The following TYW1 variants were observed in gnomAD, a reference collection of about 807,000 sequenced individuals.
TYW1 encodes tRNA-yW synthesizing protein 1 homolog.
Under a neutral mutation model 96.2 loss-of-function variants are expected in TYW1, and 46 were observed. The ratio of observed to expected loss-of-function variants is 0.48; its 90% confidence interval spans 0.38 to 0.61. The LOEUF is 0.61. TYW1 is among the 20% of genes least tolerant of loss of function. The pLI is 0.00. For missense variants in TYW1, 684 were observed against 909.6 expected, an observed-to-expected ratio of 0.75 and a Z score of 3.19; for synonymous variants, 274 against 323.0, an observed-to-expected ratio of 0.85 and a Z score of 1.63.
intron 13 of TYW1, among the ~76,000 whole-genome samples, chr7:67,161,147 T>C (rs1169339512): frequency 1.3e-5 from 2 of 152,270 alleles, no homozygotes; most frequent in African/African-American, 4.8e-5. Flanking sequence ...AGCCTTGTTT[T>C]CTAGCATAAA....
intron 10 of TYW1, among the ~76,000 whole-genome samples, chr7:67,072,352 T>C (rs1796055406): frequency 6.6e-6 from 1 of 150,926 alleles, no homozygotes; most frequent in African/African-American, 2.4e-5. Context: ...GTTCACACCA[T>C]TCTCCTGCCT....
At chr7:67,092,339 T>G (rs71563158) in intron 11 of TYW1, among the ~76,000 whole-genome samples, 36,325 of 151,586 alleles carry the variant, frequency 0.24, 4,603 homozygotes, top group African/African-American at 0.31. Flanking sequence ...TCCTTGCCCC[T>G]CTGTTCTCAA....
At chr7:67,114,494 C>T (rs1797529463) in intron 12 of TYW1, 2 of 152,370 alleles carry the variant, frequency 1.3e-5, no homozygotes, top group African/African-American at 4.8e-5. Context: ...AGGGTCCTTA[C>T]AGTACTCAGA....
At chr7:67,143,792 G>A (rs1366500887) in intron 13 of TYW1, among the ~76,000 whole-genome samples, 1 of 152,204 alleles carries the variant, frequency 6.6e-6, no homozygotes, top group Non-Finnish European at 1.5e-5. Flanking sequence ...CACTGAGAGA[G>A]CTTTTAAAAG....
At chr7:67,146,043 G>A (rs1798600804) in intron 13 of TYW1, among the ~76,000 whole-genome samples, 1 of 152,128 alleles carries the variant, frequency 6.6e-6, no homozygotes, top group African/African-American at 2.4e-5. Flanking sequence ...TGGGATTATA[G>A]GTGTGAGCCA....
chr7:67,207,680 C>CCTT (rs1408752933), intron 15 of TYW1, among the ~76,000 whole-genome samples: 2 of 84,574 alleles, frequency 2.4e-5, no homozygotes, highest in East Asian at 3.1e-4. Context: ...ATTTTGTTTG[C>CCTT]CTTTTTTTTT....
chr7:67,205,503 G>A (rs1800761850), intron 15 of TYW1, among the ~76,000 whole-genome samples: 2 of 151,602 alleles, frequency 1.3e-5, no homozygotes, highest in South Asian at 2.1e-4. Flanking sequence ...TAGGTGGAGT[G>A]AAAGTCCAGG....
chr7:67,225,488 A>G (rs913290419), intron 15 of TYW1, among the ~76,000 whole-genome samples: 1 of 152,060 alleles, frequency 6.6e-6, no homozygotes. Flanking sequence ...AGATAATAAA[A>G]CTTGTAGTCT....
intron 13 of TYW1, among the ~76,000 whole-genome samples, chr7:67,128,798 C>T (rs71563164): frequency 0.28 from 41,934 of 151,038 alleles, 6,655 homozygotes; most frequent in African/African-American, 0.44. Context: ...AAGCAATTCT[C>T]CTGCCTCAGC....
intron 13 of TYW1, among the ~76,000 whole-genome samples, chr7:67,138,537 G>T (rs973031318): frequency 9.2e-5 from 14 of 151,988 alleles, no homozygotes; most frequent in Middle Eastern, 6.8e-3. Flanking sequence ...TGACTATATT[G>T]TCAACCTGTT....
intron 15 of TYW1, among the ~76,000 whole-genome samples, chr7:67,206,478 A>G (rs1368932248): frequency 6.6e-6 from 1 of 152,044 alleles, no homozygotes; most frequent in Non-Finnish European, 1.5e-5. Context: ...TAAAAATACA[A>G]AACTTAGCTG....
intron 13 of TYW1, among the ~76,000 whole-genome samples, chr7:67,147,124 A>G (rs1241370210): frequency 6.6e-6 from 1 of 152,230 alleles, no homozygotes; most frequent in Non-Finnish European, 1.5e-5. Flanking sequence ...CTGTATCCAC[A>G]GGCTGTGTCC....
chr7:67,183,174 G>T lies in TYW1; in HGVS notation c.1747G>T (p.Asp583Tyr). The T allele has an allele frequency of 1.9e-6, 3 of 1,612,092 alleles. No homozygotes were observed. Among genetic ancestry groups the T allele is most frequent in the Non-Finnish European group, 2.5e-6 (3 of 1,178,960 alleles). ...GACGCTCGTGAAAGCATGGAACGTG[G>T]ACGAGCTCCAGGCCTACGCGCAGCT... ...RLTLVKAWNV[D>Y]ELQAYAQLVS... The change falls in exon 14 of 16, where the codon GAC becomes TAC. Residue 583 changes from aspartate to tyrosine, a missense_variant. Coordinates refer to ENST00000359626, the MANE Select transcript of TYW1 (RefSeq NM_018264.4).
chr7:67,043,354 T>C (rs900841848), intron 7 of TYW1, among the ~76,000 whole-genome samples: 37 of 123,624 alleles, frequency 3.0e-4, no homozygotes, highest in Non-Finnish European at 5.5e-4. Context: ...TAAAGCCCAT[T>C]GCTACTTTTT....
intron 13 of TYW1, among the ~76,000 whole-genome samples, chr7:67,161,977 G>A (rs1384549303): frequency 6.6e-6 from 1 of 151,914 alleles, no homozygotes; most frequent in African/African-American, 2.4e-5. Flanking sequence ...ACCAAGCTTC[G>A]GCACAGGGAG....
At position 67,083,433 on chromosome 7, in the gene TYW1, C is replaced by T; in HGVS notation, c.1278C>T (p.His426=). 6.2e-7 allele frequency: 1 copy of T among 1,614,126 alleles called. No homozygotes were observed. Among genetic ancestry groups the T allele is most frequent in the Non-Finnish European group, 8.5e-7 (1 of 1,179,986 alleles). The change falls in exon 11 of 16, where the codon CAC becomes CAT. Residue 426 remains histidine (H), a synonymous_variant. Coordinates refer to ENST00000359626, the MANE Select transcript of TYW1 (RefSeq NM_018264.4). ...CANKCVFCWR[H]HTNPVGTEWR... ...GAACTTTGCATCTTGTTCCTAGGCA[C>T]CACACCAACCCCGTGGGCACTGAGT...
chr7:67,228,398 A>G (rs927069806), intron 15 of TYW1, among the ~76,000 whole-genome samples: 1 of 152,180 alleles, frequency 6.6e-6, no homozygotes, highest in Admixed American at 6.5e-5. Flanking sequence ...AGCACAGGAA[A>G]GGCCCTCCTC....
At chr7:67,094,103 A>G (rs1411881426) in intron 11 of TYW1, among the ~76,000 whole-genome samples, 1 of 151,824 alleles carries the variant, frequency 6.6e-6, no homozygotes, top group Admixed American at 6.6e-5. Flanking sequence ...GTGATATTTG[A>G]TGTTCTGTTT....
intron 13 of TYW1, among the ~76,000 whole-genome samples, chr7:67,169,329 C>G (rs1799448040): frequency 6.6e-6 from 1 of 151,988 alleles, no homozygotes; most frequent in Non-Finnish European, 1.5e-5. Flanking sequence ...TCAGAACTTC[C>G]AATAGTGTCT....
Sources: gnomAD v4.1 joint callset for allele counts (sites outside exome capture counted in the v4.1 genomes callset) on GRCh38, gnomAD v4.1.1 for gene constraint, MANE v1.5 for transcripts, NCBI Gene and HGNC (gene_info 2026-07-23, HGNC 2026-07-21) for gene names.